Variants in PCDHGA4 observed in about 807,000 individuals in gnomAD.
PCDHGA4 encodes protocadherin gamma-A4.
Under a neutral mutation model 54.6 loss-of-function variants are expected in PCDHGA4, and 38 were observed. That is an observed-to-expected ratio of 0.70 (90% CI 0.54 to 0.91). The LOEUF is 0.91. Among genes scored for constraint, PCDHGA4 ranks in the 40% least tolerant of loss-of-function variants. The pLI is 0.00. For missense variants in PCDHGA4, 1,298 were observed against 1,220.9 expected (o/e 1.06, Z -0.94); for synonymous variants, 511 against 512.9 (o/e 1.00, Z 0.05).
chr5:141,431,965 T>C lies in PCDHGA4; in HGVS notation c.2515-62842T>C, dbSNP rs765281339. The C allele has an allele frequency of 4.0e-5, 64 of 1,614,098 alleles. No homozygotes were observed. In the East Asian group the frequency reaches 4.9e-4, roughly 12 times the overall value. On this transcript the variant is annotated intron_variant, in intron 1 of 3. Transcript: ENST00000571252. This position sits in a 1 kb window ranked among gnomAD's most constrained non-coding sequence, Gnocchi z 4.8. Reference sequence around the variant, plus strand: ...TAGAAAAATCTTACGGAAATTACTATAGTTTAGTCACAGACATAGTCTTGG... The same window carrying C: ...TAGAAAAATCTTACGGAAATTACTACAGTTTAGTCACAGACATAGTCTTGG...
At position 141,409,100 on chromosome 5, in the gene PCDHGA4, A is replaced by G. The variant is rs1341878280; in HGVS notation, c.2514+51479A>G. ...GTTCTCATTGGATGAGAAAACAGGT[A>G]TGATTAAGAATAACCAGTCATTTGA... is the stretch of plus-strand genomic sequence containing the variant. On this transcript the variant is annotated intron_variant, in intron 1 of 3. Transcript: ENST00000571252. The G allele has an allele frequency of 6.8e-6, 11 of 1,613,934 alleles. No homozygotes were observed. In the Admixed American group the frequency reaches 1.0e-4, roughly 15 times the overall value.
Position 141,489,454 on chromosome 5 carries a change from G to C in PCDHGA4, c.2515-5353G>C, listed in dbSNP as rs1177748773. 1 of 1,613,940 alleles carries C rather than the reference G, an allele frequency of 6.2e-7. No homozygotes were observed. The highest frequency in any genetic ancestry group is 1.3e-5 in the African/African-American group (1 of 74,906). On this transcript the variant is annotated intron_variant, in intron 1 of 3. Transcript: ENST00000571252. This position sits in a 1 kb window ranked among gnomAD's most constrained non-coding sequence, Gnocchi z 4.5. ...GCTGCAATTGGGCTCTGAGGAGAAT[G>C]GGCGCTATTTTTCCCTGAGCTTGAT...
In PCDHGA4 at chr5:141,493,364, TTGGAAC is replaced by T. The variant is rs1405602213; in HGVS notation, c.2515-1441_2515-1436del. Among the ~76,000 whole-genome samples, 1 of 152,184 alleles carries T rather than the reference TTGGAAC, an allele frequency of 6.6e-6. No homozygotes were observed. Among genetic ancestry groups the T allele is most frequent in the South Asian group, 2.1e-4 (1 of 4,824 alleles). On this transcript the variant is annotated intron_variant, in intron 1 of 3. Coordinates refer to ENST00000571252, the MANE Select transcript of PCDHGA4 (RefSeq NM_018917.4). The surrounding 1 kb of genome is among the most constrained non-coding windows in gnomAD (Gnocchi z 4.3). Reference sequence around the variant, plus strand: ...ATGTGTGCTTTTAATTTCTTGGCACTTGGAACTTTAAAAGCTTGAGGACAGGAGAGG... The same window carrying T: ...ATGTGTGCTTTTAATTTCTTGGCACTTTTAAAAGCTTGAGGACAGGAGAGG...
At chr5:141,372,877 A>C (rs778363950) in intron 1 of PCDHGA4, 1 of 1,270,298 alleles carries the variant, frequency 7.9e-7, no homozygotes, top group South Asian at 1.5e-5. Context: ...TAGAGATAAA[A>C]AGAATACAGA....
At position 141,383,936 on chromosome 5, in the gene PCDHGA4, A is replaced by C. The variant is rs563490528; in HGVS notation, c.2514+26315A>C. ...TTAGATGTAAATGATAATGCTCCAG[A>C]AGTGACTATGACGTCTTTAAGTAGC... On this transcript the variant is annotated intron_variant, in intron 1 of 3. Transcript: ENST00000571252. The C allele has an allele frequency of 1.9e-6, 3 of 1,613,936 alleles. No individual in the cohort carries two copies. In the East Asian group the frequency reaches 6.7e-5, roughly 36 times the overall value.
At position 141,431,416 on chromosome 5, in the gene PCDHGA4, C is replaced by T. The variant is rs778722151; in HGVS notation, c.2515-63391C>T. Reference sequence around the variant, plus strand: ...TCCTTACGGCCTCCGACGGGGGCGACCCGGTGCGCACAGGCACCGCGCGCA... The same window carrying T: ...TCCTTACGGCCTCCGACGGGGGCGATCCGGTGCGCACAGGCACCGCGCGCA... On this transcript the variant is annotated intron_variant, in intron 1 of 3. Transcript: ENST00000571252. This position sits in a 1 kb window ranked among gnomAD's most constrained non-coding sequence, Gnocchi z 4.8. 2.5e-6 allele frequency: 4 copies of T among 1,613,714 alleles called. No homozygotes were observed. Among genetic ancestry groups the T allele is most frequent in the Admixed American group, 1.7e-5 (1 of 60,028 alleles).
chr5:141,382,749 G>C, intron 1 of PCDHGA4: 1 of 612,214 alleles, frequency 1.6e-6, no homozygotes, highest in Non-Finnish European at 2.8e-6. Context: ...GACAGATTGC[G>C]ATAAGCCCTC....
chr5:141,454,762 G>C (rs889314181), intron 1 of PCDHGA4, among the ~76,000 whole-genome samples: 4 of 115,056 alleles, frequency 3.5e-5, no homozygotes, highest in African/African-American at 6.6e-5. Context: ...ATCTTGACAT[G>C]TTTTTTACAA....
In PCDHGA4 at chr5:141,398,686, G is replaced by A. The variant is rs2093688431; in HGVS notation, c.2514+41065G>A. On this transcript the variant is annotated intron_variant, in intron 1 of 3. Coordinates refer to ENST00000571252, the MANE Select transcript of PCDHGA4 (RefSeq NM_018917.4). ...CTCATTAATAATTAAGGAGAAACAG[G>A]ATGGTAGTAAATACCCGGAACTGGC... 3 of 1,613,920 alleles carry A rather than the reference G, an allele frequency of 1.9e-6. No individual in the cohort carries two copies. The East Asian group carries it at 6.7e-5, about 36-fold the overall frequency.
intron 1 of PCDHGA4, chr5:141,415,216 A>C: frequency 6.2e-7 from 1 of 1,614,086 alleles, no homozygotes; most frequent in African/African-American, 1.3e-5. Flanking sequence ...GGACCTCGGC[A>C]GCTTCGAGTC....
Position 141,476,949 on chromosome 5 carries a change from A to G in PCDHGA4, c.2515-17858A>G. The stretch of plus-strand genomic sequence containing the variant: ...GATCTGGATGAAGGCCCCAACGGTG[A>G]AATTATTTACTCCTTCGGCAGCCAC... On this transcript the variant is annotated intron_variant, in intron 1 of 3. Transcript: ENST00000571252. The surrounding 1 kb of genome is among the most constrained non-coding windows in gnomAD (Gnocchi z 7.6). 6.2e-7 allele frequency: 1 copy of G among 1,614,200 alleles called. No individual in the cohort carries two copies. Among genetic ancestry groups the G allele is most frequent in the Admixed American group, 1.7e-5 (1 of 60,038 alleles).
At chr5:141,422,965 C>T (rs2096693602) in intron 1 of PCDHGA4, 2 of 1,614,116 alleles carry the variant, frequency 1.2e-6, no homozygotes, top group African/African-American at 2.7e-5. Context: ...GGAGCTGGCG[C>T]CCCGCTCTGC....
At chr5:141,505,044 C>G (rs1446394128) in intron 2 of PCDHGA4, among the ~76,000 whole-genome samples, 3 of 152,156 alleles carry the variant, frequency 2.0e-5, no homozygotes, top group African/African-American at 7.2e-5. Context: ...TGCCTGTCAT[C>G]CCAGCTACTT....
At chr5:141,481,193 A>AT (rs1437708630) in intron 1 of PCDHGA4, among the ~76,000 whole-genome samples, 4 of 152,216 alleles carry the variant, frequency 2.6e-5, no homozygotes, top group African/African-American at 7.2e-5. Context: ...GCCAGGCCCA[A>AT]TTTTTTTAAA....
chr5:141,441,867 G>T, intron 1 of PCDHGA4: 1 of 345,800 alleles, frequency 2.9e-6, no homozygotes, highest in Non-Finnish European at 5.6e-6. Flanking sequence ...ACGCCGCGGA[G>T]CCTGGCTACC....
Position 141,356,649 on chromosome 5 carries a change from C to A in PCDHGA4, c.1542C>A (p.Asp514Glu), listed in dbSNP as rs780140906. 7.4e-6 allele frequency: 12 copies of A among 1,614,014 alleles called. No individual in the cohort carries two copies. In the South Asian group the frequency reaches 1.3e-4, roughly 18 times the overall value. The change falls in exon 1 of 4, where the codon GAC (aspartate) becomes GAA (glutamate). Residue 514 changes from aspartate (D) to glutamate (E), a missense_variant. Transcript: ENST00000571252. Reference sequence around the variant, plus strand: ...CTGCTCAAGACCCTGACAGTGGTGACAATGCCCGAATCACTTACTCCCTGG... The same window carrying A: ...CTGCTCAAGACCCTGACAGTGGTGAAAATGCCCGAATCACTTACTCCCTGG... ...SMTAQDPDSGDNARITYSLAE... is the reference protein window; with the variant it reads ...SMTAQDPDSGENARITYSLAE...
intron 1 of PCDHGA4, chr5:141,433,078 C>A (rs947684072): frequency 2.5e-5 from 40 of 1,614,144 alleles, no homozygotes; most frequent in Non-Finnish European, 3.3e-5. Context: ...TCCCCCAGCC[C>A]AACTATGCAG....
At chr5:141,456,149 G>A (rs377506220) in intron 1 of PCDHGA4, among the ~76,000 whole-genome samples, 1 of 151,866 alleles carries the variant, frequency 6.6e-6, no homozygotes, top group East Asian at 1.9e-4. Flanking sequence ...CGCCCGCCTC[G>A]GCCTCCTAAA....
intron 1 of PCDHGA4, among the ~76,000 whole-genome samples, chr5:141,458,248 G>A (rs173682): frequency 3.3e-5 from 5 of 152,112 alleles, no homozygotes; most frequent in African/African-American, 9.7e-5. Flanking sequence ...AAAATGATAC[G>A]GCTCTGATGA....
Sources: allele counts gnomAD v4.1 joint callset (sites outside exome capture counted in the v4.1 genomes callset), GRCh38; gene constraint gnomAD v4.1.1; non-coding constraint Gnocchi (gnomAD v3.1); transcripts MANE v1.5; gene names NCBI Gene and HGNC (gene_info 2026-07-23, HGNC 2026-07-21).